Variants in LRRC4C observed in about 807,000 individuals in gnomAD.
The protein encoded by LRRC4C is leucine-rich repeat-containing protein 4C.
Under a neutral mutation model 33.6 loss-of-function variants are expected in LRRC4C, and 5 were observed. The ratio of observed to expected loss-of-function variants is 0.15; its 90% CI spans 0.08 to 0.31. LRRC4C has a LOEUF of 0.31. LRRC4C is among the 10% of genes least tolerant of loss of function. The pLI is 1.00. For missense variants in LRRC4C, 560 were observed against 796.7 expected (o/e 0.70, Z 3.58); for synonymous variants, 329 against 302.0 (o/e 1.09, Z -0.93).
intron 5 of LRRC4C, among the ~76,000 whole-genome samples, chr11:40,206,604 C>T (rs1282546673): frequency 6.6e-6 from 1 of 152,112 alleles, no homozygotes; most frequent in Non-Finnish European, 1.5e-5. Context: ...AATAATCCCT[C>T]CTGAATGGTG....
intron 3 of LRRC4C, among the ~76,000 whole-genome samples, chr11:40,354,900 A>G (rs1400872055): frequency 6.6e-6 from 1 of 152,116 alleles, no homozygotes; most frequent in Non-Finnish European, 1.5e-5. Flanking sequence ...TTCTGCAAGC[A>G]GAAGGAATCT....
At chr11:40,840,729 T>C (rs1286583942) in intron 2 of LRRC4C, among the ~76,000 whole-genome samples, 1 of 152,170 alleles carries the variant, frequency 6.6e-6, no homozygotes, top group African/African-American at 2.4e-5. Flanking sequence ...AAAAAAGATT[T>C]AGAGAGTTTA....
At chr11:40,685,749 T>G (rs1363333725) in intron 2 of LRRC4C, among the ~76,000 whole-genome samples, 1 of 151,884 alleles carries the variant, frequency 6.6e-6, no homozygotes, top group Non-Finnish European at 1.5e-5. Flanking sequence ...GCAGAACAAT[T>G]CTGTACACAT....
chr11:41,030,774 T>A (rs1856678641), intron 1 of LRRC4C, among the ~76,000 whole-genome samples: 1 of 151,762 alleles, frequency 6.6e-6, no homozygotes, highest in South Asian at 2.1e-4. Context: ...TGTGTATGTA[T>A]ATAAATCTGT....
At chr11:40,466,410 C>T (rs1434745318) in intron 3 of LRRC4C, among the ~76,000 whole-genome samples, 2 of 151,644 alleles carry the variant, frequency 1.3e-5, no homozygotes, top group African/African-American at 4.8e-5. Flanking sequence ...ACCCCTAAAT[C>T]TATAAAAATA....
At chr11:40,951,885 A>T (rs888117657) in intron 1 of LRRC4C, among the ~76,000 whole-genome samples, 9 of 151,958 alleles carry the variant, frequency 5.9e-5, no homozygotes, top group Admixed American at 1.3e-4. Context: ...CTCAGATTGA[A>T]TTCTGGCTGT....
At chr11:41,057,708 G>T (rs1454873144) in intron 1 of LRRC4C, among the ~76,000 whole-genome samples, 1 of 152,206 alleles carries the variant, frequency 6.6e-6, no homozygotes, top group African/African-American at 2.4e-5. Flanking sequence ...TCTGCTGACA[G>T]TTGCAGAGAT....
At chr11:40,881,675 G>C (rs1179016570) in intron 2 of LRRC4C, among the ~76,000 whole-genome samples, 2 of 149,030 alleles carry the variant, frequency 1.3e-5, no homozygotes, top group African/African-American at 2.5e-5. Context: ...TTTTTTTACT[G>C]GACAGAAATA....
intron 1 of LRRC4C, among the ~76,000 whole-genome samples, chr11:41,100,017 G>T (rs754134106): frequency 9.9e-5 from 15 of 151,980 alleles, no homozygotes; most frequent in Admixed American, 5.9e-4. Flanking sequence ...CCAAAAAAAA[G>T]TACAAAAATC....
At chr11:41,257,881 G>A (rs16935491) in intron 1 of LRRC4C, among the ~76,000 whole-genome samples, 9,792 of 152,000 alleles carry the variant, frequency 0.064, 328 homozygotes, top group African/African-American at 0.078. Context: ...AGTTAGTAAT[G>A]CCTGCCTCAG....
chr11:40,830,153 T>C (rs79677701), intron 2 of LRRC4C, among the ~76,000 whole-genome samples: 15,671 of 152,006 alleles, frequency 0.1, 851 homozygotes, highest in South Asian at 0.15. Flanking sequence ...AAAAGGGAAA[T>C]GGCAGAAATG....
intron 2 of LRRC4C, among the ~76,000 whole-genome samples, chr11:40,819,462 T>C (rs1234939414): frequency 6.6e-6 from 1 of 152,168 alleles, no homozygotes; most frequent in Non-Finnish European, 1.5e-5. Context: ...CCAGGAGGAC[T>C]GGCACCTTTG....
At chr11:41,293,810 T>G (rs1443971796) in intron 1 of LRRC4C, among the ~76,000 whole-genome samples, 1 of 152,078 alleles carries the variant, frequency 6.6e-6, no homozygotes, top group Non-Finnish European at 1.5e-5. Flanking sequence ...TATGCCAGGC[T>G]TGTCTCGAAC....
At chr11:40,714,043 T>C (rs1464808882) in intron 2 of LRRC4C, among the ~76,000 whole-genome samples, 1 of 152,188 alleles carries the variant, frequency 6.6e-6, no homozygotes, top group Admixed American at 6.5e-5. Flanking sequence ...ATGCCCATTG[T>C]GATGACAGCC....
At chr11:40,232,387 T>G (rs935087397) in intron 5 of LRRC4C, among the ~76,000 whole-genome samples, 1 of 152,102 alleles carries the variant, frequency 6.6e-6, no homozygotes, top group Non-Finnish European at 1.5e-5. Context: ...CACCCACCTC[T>G]GTAAGACAAG....
At chr11:40,506,865 T>C (rs1041816851) in intron 3 of LRRC4C, among the ~76,000 whole-genome samples, 1 of 152,070 alleles carries the variant, frequency 6.6e-6, no homozygotes, top group Non-Finnish European at 1.5e-5. Context: ...TCATTTTAAA[T>C]GACTGAAAAT....
chr11:41,322,557 T>C (rs1250413646), intron 1 of LRRC4C, among the ~76,000 whole-genome samples: 1 of 152,156 alleles, frequency 6.6e-6, no homozygotes, highest in African/African-American at 2.4e-5. Context: ...ATATAATACC[T>C]ATTTGTCTTC....
At chr11:41,163,126 A>C (rs1394765556) in intron 1 of LRRC4C, among the ~76,000 whole-genome samples, 27 of 151,968 alleles carry the variant, frequency 1.8e-4, no homozygotes, top group Non-Finnish European at 1.5e-4. Context: ...CCACCATGTA[A>C]GAAGTGCCTT....
Position 40,511,697 on chromosome 11 carries a change from T to A in LRRC4C, c.-270+136445A>T, listed in dbSNP as rs954924697. On this transcript the variant is annotated intron_variant, in intron 3 of 6. Coordinates refer to ENST00000528697, the MANE Select transcript of LRRC4C (RefSeq NM_001258419.2). Reference sequence around the variant, plus strand: ...CACCAGCAGGGAATGCCACACTTAGTAAATGATAAGTACAGCAAAGAAGCA... The same window carrying A: ...CACCAGCAGGGAATGCCACACTTAGAAAATGATAAGTACAGCAAAGAAGCA... Among the ~76,000 whole-genome samples the A allele has an allele frequency of 1.3e-5, 2 of 152,182 alleles. 1 individual carries two copies. The highest frequency in any genetic ancestry group is 1.3e-4 in the Admixed American group (2 of 15,276).
Sources: allele counts gnomAD v4.1 joint callset (sites outside exome capture counted in the v4.1 genomes callset), GRCh38; gene constraint gnomAD v4.1.1; transcripts MANE v1.5; gene names NCBI Gene and HGNC (gene_info 2026-07-23, HGNC 2026-07-21).